The following ABCF1 variants were observed in gnomAD, a reference collection of about 807,000 sequenced individuals.
ABCF1 encodes ATP-binding cassette sub-family F member 1.
A neutral mutation model predicts 126.3 loss-of-function variants in ABCF1; 73 were observed. The ratio of observed to expected loss-of-function variants is 0.58; its 90% confidence interval spans 0.48 to 0.70. The LOEUF (loss-of-function observed/expected upper bound fraction) is 0.70. ABCF1 is among the 30% of genes least tolerant of loss of function. ABCF1 has a pLI of 0.00. For missense variants in ABCF1, 786 were observed against 1,057.5 expected, an observed-to-expected ratio of 0.74 and a Z score of 3.56; for synonymous variants, 345 against 396.4, an observed-to-expected ratio of 0.87 and a Z score of 1.54.
chr6:30,588,869 A>G (rs1225488451), intron 20 of ABCF1, among the ~76,000 whole-genome samples: 1 of 152,088 alleles, frequency 6.6e-6, no homozygotes, highest in Non-Finnish European at 1.5e-5. Flanking sequence ...GTCTCGCTGT[A>G]TGGAGAGCAG....
intron 7 of ABCF1, 53 bp downstream of exon 7, chr6:30,580,058 T>G: frequency 6.3e-7 from 1 of 1,581,688 alleles, no homozygotes; most frequent in Non-Finnish European, 8.6e-7. Flanking sequence ...TTAAAACATT[T>G]CATCAGGGCT....
chr6:30,577,404 T>C lies in ABCF1; in HGVS notation c.74-5T>C, dbSNP rs775715127. The C allele has an allele frequency of 4.3e-6, 7 of 1,613,872 alleles. No individual in the cohort carries two copies. In the African/African-American group the frequency reaches 8.0e-5, roughly 18 times the overall value. ...AGCATTCACGATGTCCGCTTAACTT[T>C]CTAGACAAAGTGGTGAAGAAAGGGA... On this transcript the variant is annotated splice_region_variant and splice_polypyrimidine_tract_variant and intron_variant, in intron 1 of 24. Coordinates refer to ENST00000326195, the MANE Select transcript of ABCF1 (RefSeq NM_001025091.2).
In ABCF1 at chr6:30,584,351, G is replaced by A. The variant is rs1454719836; in HGVS notation, c.1242+20G>A. ...GAGAAGGTAGAGGAGATGGCGCAGG[G>A]GACACGGGCAAAGACTTGGGGGTTC... On this transcript the variant is annotated intron_variant, in intron 13 of 24. Coordinates refer to ENST00000326195, the MANE Select transcript of ABCF1 (RefSeq NM_001025091.2). This position sits in a 1 kb window ranked among gnomAD's most constrained non-coding sequence, Gnocchi z 4.6. 2 of 1,613,078 alleles carry A rather than the reference G, an allele frequency of 1.2e-6. No homozygotes were observed. The highest frequency in any genetic ancestry group is 1.1e-5 in the South Asian group (1 of 91,080).
Position 30,590,635 on chromosome 6 carries a change from T to G in ABCF1, c.2472T>G (p.Phe824Leu), listed in dbSNP as rs1802402332. 6.2e-7 allele frequency: 1 copy of G among 1,612,900 alleles called. No homozygotes were observed. Among genetic ancestry groups the G allele is most frequent in the African/African-American group, 1.3e-5 (1 of 74,912 alleles). The part of the protein sequence containing the change: ...EQSVSQIDGD[F>L]EDYKREVLEA... ...GTGTTAGCCAAATCGATGGTGACTT[T>G]GAAGACTACAAGCGGGAGGTGTTGG... The change falls in exon 25 of 25, where the codon TTT becomes TTG. Residue 824 changes from phenylalanine (F) to leucine (L), a missense_variant. Around this residue, in one of 4 missense-constraint regions of ABCF1, gnomAD observed 288 missense variants for 423.5 expected, o/e 0.68. Coordinates refer to ENST00000326195, the MANE Select transcript of ABCF1 (RefSeq NM_001025091.2).
intron 9 of ABCF1, 114 bp from the exon 10 acceptor site, chr6:30,582,952 C>A: frequency 7.2e-7 from 1 of 1,394,612 alleles, no homozygotes; most frequent in Non-Finnish European, 9.8e-7. Context: ...CTCAGCCTCC[C>A]AGAGTGCTGG....
Position 30,584,922 on chromosome 6 carries a change from A to G in ABCF1, c.1392-338A>G, listed in dbSNP as rs534804965. Among the ~76,000 whole-genome samples the G allele has an allele frequency of 2.0e-5, 3 of 152,278 alleles. No individual in the cohort carries two copies. In the East Asian group the frequency reaches 5.8e-4, roughly 29 times the overall value. ...GAAAACATATCCTAGCCTGGGCAAC[A>G]TAGGGAGACCCTGTCTCTACAAAAA... is the stretch of plus-strand genomic sequence containing the variant. On this transcript the variant is annotated intron_variant, in intron 14 of 24. Transcript: ENST00000326195. This position sits in a 1 kb window ranked among gnomAD's most constrained non-coding sequence, Gnocchi z 4.6.
chr6:30,577,666 A>G, intron 2 of ABCF1, 152 bp from the exon 3 acceptor site: 5 of 937,894 alleles, frequency 5.3e-6, no homozygotes, highest in Non-Finnish European at 8.2e-6. Flanking sequence ...TGAGACCTGC[A>G]CACTCCATTC....
intron 1 of ABCF1, among the ~76,000 whole-genome samples, 173 bp downstream of exon 1, chr6:30,571,733 G>C (rs1266469752): frequency 6.6e-6 from 1 of 152,124 alleles, no homozygotes; most frequent in African/African-American, 2.4e-5. Flanking sequence ...TTTGGAATCG[G>C]GGTTAAAGGA....
rs372689825 is a variant in ABCF1, at chr6:30,583,220, T to C, written c.915+32T>C. ...TCTCAAGGGGCCCCTTCCAGTCCACTTACCTAGGGAAGAGCCAGTTCTCTC... is the reference window on the plus strand; with the variant it reads ...TCTCAAGGGGCCCCTTCCAGTCCACCTACCTAGGGAAGAGCCAGTTCTCTC... On this transcript the variant is annotated intron_variant, in intron 10 of 24. Transcript: ENST00000326195. This position sits in a 1 kb window ranked among gnomAD's most constrained non-coding sequence, Gnocchi z 4.1. 1.9e-4 allele frequency: 306 copies of C among 1,584,652 alleles called. No individual in the cohort carries two copies. In the Admixed American group the frequency reaches 2.4e-3, roughly 12 times the overall value.
At chr6:30,590,254 G>A (rs776923721) in intron 23 of ABCF1, 41 bp downstream of exon 23, 1 of 1,612,724 alleles carries the variant, frequency 6.2e-7, no homozygotes, top group Non-Finnish European at 8.5e-7. Flanking sequence ...AAGGGTAACA[G>A]TAATGGAAGA....
chr6:30,590,635 T>C lies in ABCF1; in HGVS notation c.2472T>C (p.Phe824=). The C allele has an allele frequency of 6.2e-7, 1 of 1,613,018 alleles. No homozygotes were observed. The highest frequency in any genetic ancestry group is 8.5e-7 in the Non-Finnish European group (1 of 1,179,998). ...EQSVSQIDGD[F]EDYKREVLEA... The stretch of plus-strand genomic sequence containing the variant: ...GTGTTAGCCAAATCGATGGTGACTT[T>C]GAAGACTACAAGCGGGAGGTGTTGG... Residue 824 remains phenylalanine (F), a synonymous_variant, in exon 25 of 25, where the codon TTT becomes TTC. Coordinates refer to ENST00000326195, the MANE Select transcript of ABCF1 (RefSeq NM_001025091.2).
Position 30,584,561 on chromosome 6 carries a change from G to A in ABCF1, c.1386G>A (p.Leu462=). The part of the protein sequence containing the change: ...FSGGWRMRVS[L]ARALFMEPTL... ...GGGGCTGGCGCATGCGTGTCTCCCT[G>A]GCCAGGTGGGCCATTCACCTCACTG... The change falls in exon 14 of 25, where the codon CTG becomes CTA. Residue 462 remains leucine (L), a synonymous_variant. Transcript: ENST00000326195. This position sits in a 1 kb window ranked among gnomAD's most constrained non-coding sequence, Gnocchi z 4.6. 6.3e-7 allele frequency: 1 copy of A among 1,594,126 alleles called. No homozygotes were observed. The highest frequency in any genetic ancestry group is 1.1e-5 in the South Asian group (1 of 89,126).
chr6:30,589,084 CACCTCCTGGGTTAAA>C (rs1158713878), intron 20 of ABCF1, among the ~76,000 whole-genome samples: 1 of 152,108 alleles, frequency 6.6e-6, no homozygotes, highest in East Asian at 1.9e-4. Flanking sequence ...CAGCAACTTC[CACCTCCTGGGTTAAA>C]ACCATTCTTG....
At chr6:30,573,112 G>GT (rs1801335842) in intron 1 of ABCF1, among the ~76,000 whole-genome samples, 1 of 152,224 alleles carries the variant, frequency 6.6e-6, no homozygotes, top group Non-Finnish European at 1.5e-5. Flanking sequence ...CAAGATGGAG[G>GT]CGGGGAGACC....
intron 1 of ABCF1, among the ~76,000 whole-genome samples, chr6:30,575,368 AAT>A (rs1491395670): frequency 1.5e-5 from 1 of 67,152 alleles, no homozygotes; most frequent in East Asian, 3.9e-4. Flanking sequence ...GCACCCGACC[AAT>A]TTTTTTTTTT....
intron 20 of ABCF1, among the ~76,000 whole-genome samples, chr6:30,587,402 T>C (rs571946804): frequency 6.6e-6 from 1 of 152,088 alleles, no homozygotes; most frequent in South Asian, 2.1e-4. Context: ...CCCAACACTT[T>C]GGGAAGCCGA....
At position 30,589,924 on chromosome 6, in the gene ABCF1, G is replaced by A. The variant is rs534029778; in HGVS notation, c.2183G>A (p.Arg728His). The change falls in exon 22 of 25, where the codon CGC (arginine) becomes CAC (histidine). Residue 728 changes from arginine to histidine, a missense_variant. This residue lies in a region of ABCF1 where 288 missense variants were observed against 423.5 expected (regional missense o/e 0.68). Transcript: ENST00000326195. ...CAGGATGCCCGCAAGTGCCTGGGCC[G>A]CTTCGGCCTGGAGAGTCACGCCCAC... ...PYQDARKCLGRFGLESHAHTI... is the reference protein window; with the variant it reads ...PYQDARKCLGHFGLESHAHTI... 7.4e-6 allele frequency: 12 copies of A among 1,614,058 alleles called. No homozygotes were observed. The highest frequency in any genetic ancestry group is 4.5e-5 in the East Asian group (2 of 44,882).
chr6:30,571,661 C>G (rs3132612), intron 1 of ABCF1, 101 bp downstream of exon 1: 942,182 of 1,321,154 alleles, frequency 0.71, 338,697 homozygotes, highest in African/African-American at 0.85. Flanking sequence ...GACCGGGCCC[C>G]TGCGGGAGTT....
chr6:30,586,309 A>C lies in ABCF1; in HGVS notation c.1885+4A>C, dbSNP rs1373399572. 1 of 1,603,420 alleles carries C rather than the reference A, an allele frequency of 6.2e-7. No individual in the cohort carries two copies. Among genetic ancestry groups the C allele is most frequent in the Non-Finnish European group, 8.5e-7 (1 of 1,174,666 alleles). On this transcript the variant is annotated splice_donor_region_variant and intron_variant, in intron 18 of 24. Transcript: ENST00000326195. This position sits in a 1 kb window ranked among gnomAD's most constrained non-coding sequence, Gnocchi z 4.9. ...CCTCCAGTGCTGGGTCTGCATGGTG[A>C]GTGCCGCGGGCCTCTGCTGCTCCAC...
Sources: gnomAD v4.1 joint callset for allele counts (sites outside exome capture counted in the v4.1 genomes callset) on GRCh38, gnomAD v4.1.1 for gene constraint, gnomAD v4.1.1 regional missense constraint, Gnocchi (gnomAD v3.1) non-coding constraint, MANE v1.5 for transcripts, NCBI Gene and HGNC (gene_info 2026-07-23, HGNC 2026-07-21) for gene names.